The following BACH2 variants were observed in gnomAD, a reference collection of about 807,000 sequenced individuals.
The protein encoded by BACH2 is transcription regulator protein BACH2.
A neutral mutation model predicts 61.8 loss-of-function variants in BACH2; 5 were observed. The observed-to-expected ratio is 0.08, with a 90% confidence interval of 0.04 to 0.17. The LOEUF (loss-of-function observed/expected upper bound fraction) is 0.17, where lower values mean the gene tolerates loss of function less well. Among genes scored for constraint, BACH2 ranks in the 10% least tolerant of loss-of-function variants. The pLI is 1.00. For missense variants in BACH2, 824 were observed against 1,091.1 expected, an observed-to-expected ratio of 0.76 and a Z score of 3.45; for synonymous variants, 446 against 440.1, an observed-to-expected ratio of 1.01 and a Z score of -0.17.
chr6:90,244,259 A>G (rs1387972480), intron 3 of BACH2, among the ~76,000 whole-genome samples: 1 of 152,186 alleles, frequency 6.6e-6, no homozygotes, highest in Non-Finnish European at 1.5e-5. Context: ...TGTCTTCCCA[A>G]TTTCATGTAA....
At chr6:90,050,978 G>C (rs1403995844) in intron 5 of BACH2, among the ~76,000 whole-genome samples, 1 of 151,842 alleles carries the variant, frequency 6.6e-6, no homozygotes, top group East Asian at 1.9e-4. Context: ...CACCATGTTG[G>C]CCAGGCTGGT....
At chr6:90,193,256 T>C (rs1768637762) in intron 4 of BACH2, among the ~76,000 whole-genome samples, 1 of 152,090 alleles carries the variant, frequency 6.6e-6, no homozygotes, top group Non-Finnish European at 1.5e-5. Context: ...TATTTGAAAA[T>C]AGGACCATTA....
chr6:90,169,005 G>A (rs1024129037), intron 4 of BACH2, among the ~76,000 whole-genome samples: 2 of 152,168 alleles, frequency 1.3e-5, no homozygotes, highest in African/African-American at 4.8e-5. Context: ...ATAGTTGGCA[G>A]AGTGTTGTAC....
intron 4 of BACH2, among the ~76,000 whole-genome samples, chr6:90,175,051 A>C (rs2127838892): frequency 6.6e-6 from 1 of 152,246 alleles, no homozygotes; most frequent in Non-Finnish European, 1.5e-5. Context: ...TGAGTAGCAG[A>C]AATGTGGATG....
Position 90,162,285 on chromosome 6 carries a change from C to T in BACH2, c.-162+44284G>A, listed in dbSNP as rs193205044. Reference sequence around the variant, plus strand: ...TCATCTATCAGAAAATTTGTTCTTTCGGTGAATATATAATTAAAATGGTGT... The same window carrying T: ...TCATCTATCAGAAAATTTGTTCTTTTGGTGAATATATAATTAAAATGGTGT... On this transcript the variant is annotated intron_variant, in intron 4 of 8. Coordinates refer to ENST00000257749, the MANE Select transcript of BACH2 (RefSeq NM_021813.4). Among the ~76,000 whole-genome samples, 92 of 152,232 alleles carry T rather than the reference C, an allele frequency of 6.0e-4. No individual in the cohort carries two copies. In the East Asian group the frequency reaches 7.1e-3, roughly 12 times the overall value.
intron 5 of BACH2, among the ~76,000 whole-genome samples, chr6:90,014,224 T>G (rs984397960): frequency 6.6e-6 from 1 of 151,716 alleles, no homozygotes; most frequent in Non-Finnish European, 1.5e-5. Context: ...AGGGTAATGA[T>G]GATCTCATAA....
At chr6:89,943,075 C>T (rs1255770081) in intron 7 of BACH2, among the ~76,000 whole-genome samples, 1 of 152,172 alleles carries the variant, frequency 6.6e-6, no homozygotes, top group African/African-American at 2.4e-5. Context: ...GCCTCCCAAA[C>T]TGTTGGGATT....
At chr6:90,081,754 T>C (rs1781733334) in intron 5 of BACH2, among the ~76,000 whole-genome samples, 2 of 152,158 alleles carry the variant, frequency 1.3e-5, no homozygotes, top group African/African-American at 4.8e-5. Context: ...TACTAAATAC[T>C]TCCTATTCTA....
chr6:90,165,266 A>C (rs2127834805), intron 4 of BACH2, among the ~76,000 whole-genome samples: 1 of 152,354 alleles, frequency 6.6e-6, no homozygotes, highest in East Asian at 1.9e-4. Context: ...CTTATACACC[A>C]ATAACAGACA....
At chr6:90,186,046 T>C (rs1210401038) in intron 4 of BACH2, among the ~76,000 whole-genome samples, 1 of 152,174 alleles carries the variant, frequency 6.6e-6, no homozygotes, top group Non-Finnish European at 1.5e-5. Flanking sequence ...TATACACTCA[T>C]AGAAGAGACC....
At chr6:90,132,298 T>C (rs934498740) in intron 4 of BACH2, among the ~76,000 whole-genome samples, 1 of 152,224 alleles carries the variant, frequency 6.6e-6, no homozygotes, top group African/African-American at 2.4e-5. Context: ...CCTTCCAGCA[T>C]GCAACAGGGC....
chr6:89,962,998 T>C (rs210055), intron 6 of BACH2, among the ~76,000 whole-genome samples: 20,028 of 152,218 alleles, frequency 0.13, 1,491 homozygotes, highest in African/African-American at 0.19. Context: ...AGAACCCCTA[T>C]GTAAAGAACT....
At chr6:90,155,458 A>G (rs1158329) in intron 4 of BACH2, among the ~76,000 whole-genome samples, 3,069 of 152,352 alleles carry the variant, frequency 0.02, 102 homozygotes, top group African/African-American at 0.07. Context: ...CAAGGGCTAG[A>G]GCAACTTCCC....
intron 4 of BACH2, among the ~76,000 whole-genome samples, chr6:90,150,914 A>G (rs1230182852): frequency 1.3e-5 from 2 of 152,206 alleles, no homozygotes; most frequent in Non-Finnish European, 2.9e-5. Flanking sequence ...AAGAGAGCTG[A>G]GCGGTGCATT....
chr6:90,078,626 G>A (rs905461127), intron 5 of BACH2, among the ~76,000 whole-genome samples: 1 of 152,104 alleles, frequency 6.6e-6, no homozygotes, highest in Non-Finnish European at 1.5e-5. Flanking sequence ...CACAAATGAC[G>A]ATAACACCAA....
chr6:90,017,639 C>T (rs1429420118), intron 5 of BACH2, among the ~76,000 whole-genome samples: 2 of 152,196 alleles, frequency 1.3e-5, no homozygotes, highest in South Asian at 2.1e-4. Context: ...TGGTCCTTAT[C>T]TCTAAAAGTC....
intron 5 of BACH2, among the ~76,000 whole-genome samples, chr6:90,049,108 A>G (rs1779919625): frequency 6.6e-6 from 1 of 152,164 alleles, no homozygotes; most frequent in Non-Finnish European, 1.5e-5. Context: ...CCAACTCCAT[A>G]TGCACCATCT....
intron 5 of BACH2, among the ~76,000 whole-genome samples, chr6:90,014,720 G>A (rs1253038975): frequency 6.0e-5 from 9 of 151,208 alleles, no homozygotes; most frequent in East Asian, 2.0e-4. Flanking sequence ...TGATCCACCC[G>A]CCTTGGCCTC....
intron 4 of BACH2, 62 bp downstream of exon 4, chr6:90,206,507 C>T (rs1222229602): frequency 6.6e-6 from 1 of 152,354 alleles, no homozygotes; most frequent in Non-Finnish European, 1.5e-5. Flanking sequence ...GACATATGTA[C>T]TCCAGAAAAT....
Sources: gnomAD v4.1 joint callset for allele counts (sites outside exome capture counted in the v4.1 genomes callset) on GRCh38, gnomAD v4.1.1 for gene constraint, MANE v1.5 for transcripts, NCBI Gene and HGNC (gene_info 2026-07-23, HGNC 2026-07-21) for gene names.